The following CCT2 variants were observed in gnomAD, a reference collection of about 807,000 sequenced individuals.
CCT2 encodes the protein T-complex protein 1 subunit beta.
CCT2 carries 18 observed loss-of-function variants against 61.8 expected under a neutral mutation model. That is an observed-to-expected ratio of 0.29 (90% confidence interval 0.20 to 0.43). CCT2 has a LOEUF of 0.43. Among genes scored for constraint, CCT2 ranks in the 20% least tolerant of loss-of-function variants. CCT2 has a pLI of 1.00. For synonymous variants in CCT2, 248 were observed against 215.9 expected, an observed-to-expected ratio of 1.15 and a Z score of -1.30; for missense variants, 556 against 656.9, an observed-to-expected ratio of 0.85 and a Z score of 1.68.
At chr12:69,594,848 A>AGG (rs1881941513) in intron 10 of CCT2, among the ~76,000 whole-genome samples, 1 of 73,180 alleles carries the variant, frequency 1.4e-5, no homozygotes, top group East Asian at 3.9e-4. Context: ...CCTGTCTTTA[A>AGG]AAAAAAAAAA....
intron 1 of CCT2, 200 bp downstream of exon 1, chr12:69,585,724 G>A (rs1338567406): frequency 3.2e-5 from 46 of 1,459,556 alleles, no homozygotes; most frequent in East Asian, 2.0e-4. Flanking sequence ...GGGGTGGACC[G>A]CAAAGCCAGC....
Position 69,586,085 on chromosome 12 carries a change from C to T in CCT2, c.4-185C>T, listed in dbSNP as rs893782520. ...TGTAAATCCGAAAAGCCATGTCGCT[C>T]TCCTACAAGTCCCTCTCTCCCACTT... is the stretch of plus-strand genomic sequence containing the variant. On this transcript the variant is annotated intron_variant, in intron 1 of 15. Coordinates refer to ENST00000299300, the MANE Select transcript of CCT2 (RefSeq NM_006431.3). 9.5e-6 allele frequency: 12 copies of T among 1,264,976 alleles called. No individual in the cohort carries two copies. The African/African-American group carries it at 1.5e-4, about 16-fold the overall frequency. 78.4% of individuals were successfully genotyped at this position (1,264,976 alleles called of 1,614,324 possible).
At chr12:69,597,015 A>G (rs1485902790) in intron 10 of CCT2, 141 bp from the exon 11 acceptor site, 2 of 638,296 alleles carry the variant, frequency 3.1e-6, no homozygotes, top group Non-Finnish European at 5.2e-6. Context: ...AGTATTTAAA[A>G]AGAGTGCCAG....
intron 5 of CCT2, 26 bp from the exon 6 acceptor site, chr12:69,588,124 C>T (rs369233373): frequency 1.1e-5 from 17 of 1,582,806 alleles, no homozygotes; most frequent in Admixed American, 6.7e-5. Flanking sequence ...CTATTTATAA[C>T]TTTTGTTTTA....
At position 69,585,479 on chromosome 12, in the gene CCT2, G is replaced by T. The variant is rs372102946; in HGVS notation, c.-43G>T. 26 of 1,556,780 alleles carry T rather than the reference G, an allele frequency of 1.7e-5. No individual in the cohort carries two copies. The East Asian group carries it at 4.6e-4, about 27-fold the overall frequency. On this transcript the variant is annotated 5_prime_UTR_variant, in exon 1 of 16. Coordinates refer to ENST00000299300, the MANE Select transcript of CCT2 (RefSeq NM_006431.3). ...CCTTCAGTCCGCTGGTCCCGAGCAC[G>T]AGCTGTGAGGGGATTCACTTGTGTG...
rs780270578 is a variant in CCT2 at position 69,585,537 on chromosome 12, C to G, written c.3+13C>G. On this transcript the variant is annotated intron_variant, in intron 1 of 15. Transcript: ENST00000299300. ...CCTCGGAACCATGGTGAGCCTGACT[C>G]CCCTGCCTCTTGCCCTACCCCTGCT... The G allele has an allele frequency of 1.9e-6, 3 of 1,571,562 alleles. No homozygotes were observed. Among genetic ancestry groups the G allele is most frequent in the Middle Eastern group, 1.7e-4 (1 of 6,002 alleles).
In CCT2 at chr12:69,597,420, G is replaced by C; in HGVS notation, c.1102+145G>C. Reference sequence around the variant, plus strand: ...GATACATACTTTGTTTCAGTCTCTTGAGTCAACCTCATATTTACCGTGTCT... The same window carrying C: ...GATACATACTTTGTTTCAGTCTCTTCAGTCAACCTCATATTTACCGTGTCT... On this transcript the variant is annotated intron_variant, in intron 11 of 15. Transcript: ENST00000299300. 3.5e-6 allele frequency: 4 copies of C among 1,158,084 alleles called. No individual in the cohort carries two copies. The Admixed American group carries it at 8.8e-5, about 25-fold the overall frequency. 71.7% of individuals were successfully genotyped at this position (1,158,084 alleles called of 1,614,324 possible).
intron 3 of CCT2, chr12:69,587,173 G>T: frequency 3.1e-6 from 1 of 327,824 alleles, no homozygotes; most frequent in Non-Finnish European, 5.5e-6. Context: ...TTCAGTGTAA[G>T]TAGATAACAC....
intron 7 of CCT2, among the ~76,000 whole-genome samples, chr12:69,590,908 G>A (rs1407419568): frequency 1.3e-5 from 2 of 151,638 alleles, no homozygotes; most frequent in African/African-American, 4.9e-5. Context: ...TAGTAGAGAC[G>A]GGGTATCGCC....
intron 11 of CCT2, 127 bp from the exon 12 acceptor site, chr12:69,597,511 T>A: frequency 9.1e-7 from 1 of 1,094,530 alleles, no homozygotes; most frequent in African/African-American, 1.6e-5. Context: ...GAGCCTTGAT[T>A]GTTGGAGAAT....
At chr12:69,585,577 C>T (rs1162141216) in intron 1 of CCT2, 53 bp downstream of exon 1, 20 of 1,559,256 alleles carry the variant, frequency 1.3e-5, no homozygotes, top group Admixed American at 1.9e-5. Context: ...CGTGCTCTTG[C>T]CACCCCACTG....
chr12:69,588,068 TC>T, intron 5 of CCT2, 62 bp downstream of exon 5: 1 of 1,533,490 alleles, frequency 6.5e-7, no homozygotes, highest in Non-Finnish European at 9.0e-7. Context: ...GGTAATCTAG[TC>T]CTTACTTCCT....
At chr12:69,599,102 C>A (rs1371051858) in intron 14 of CCT2, among the ~76,000 whole-genome samples, 1 of 152,122 alleles carries the variant, frequency 6.6e-6, no homozygotes, top group Non-Finnish European at 1.5e-5. Context: ...ATTATTATAA[C>A]TGACACAATG....
At chr12:69,590,673 GA>G (rs1188303042) in intron 7 of CCT2, among the ~76,000 whole-genome samples, 13 of 149,544 alleles carry the variant, frequency 8.7e-5, no homozygotes, top group African/African-American at 3.2e-4. Context: ...TCATAATTCT[GA>G]AAATACTCTT....
At position 69,589,845 on chromosome 12, in the gene CCT2, T is replaced by C. The variant is rs183322683; in HGVS notation, c.649+158T>C. On this transcript the variant is annotated intron_variant, in intron 7 of 15. Transcript: ENST00000299300. ...ACCATTTTTGTCATTTTATTGACAG[T>C]GTACTCCTCTTCCCGCGCTATTCCA... 1.3e-5 allele frequency: 8 copies of C among 620,544 alleles called. No individual in the cohort carries two copies. The East Asian group carries it at 1.4e-4, about 11-fold the overall frequency. The allele number at this position is 620,544 out of a possible 1,614,324, so 38.4% of individuals were successfully genotyped here.
At chr12:69,598,452 T>A (rs930173025) in intron 14 of CCT2, 31 bp downstream of exon 14, 5 of 1,378,478 alleles carry the variant, frequency 3.6e-6, no homozygotes, top group African/African-American at 1.5e-5. Context: ...TTGTGGCCGT[T>A]GTTAAAAGTA....
In CCT2 at chr12:69,585,795, G is replaced by A. The variant is rs905707679; in HGVS notation, c.3+271G>A. ...AGCCCAGGTCCGCGCCTCACCCGGA[G>A]CGAAGAAATTTCTAGTGTGGGACCC... On this transcript the variant is annotated intron_variant, in intron 1 of 15. Transcript: ENST00000299300. The A allele has an allele frequency of 2.2e-6, 3 of 1,374,312 alleles. No individual in the cohort carries two copies. The African/African-American group carries it at 4.4e-5, about 20-fold the overall frequency. 85.1% of individuals were successfully genotyped at this position (1,374,312 alleles called of 1,614,324 possible). A position where few individuals can be genotyped will look rare whatever the true frequency, so the allele number is the denominator to read the frequency against.
Position 69,599,844 on chromosome 12 carries a change from A to C in CCT2, c.1436-19A>C. ...CTTTAGTTAAAACTGCTTTTTAGTAAATTTGTTTTTCTTTGCAGATATGAG... is the reference window on the plus strand; with the variant it reads ...CTTTAGTTAAAACTGCTTTTTAGTACATTTGTTTTTCTTTGCAGATATGAG... On this transcript the variant is annotated intron_variant, in intron 14 of 15. Coordinates refer to ENST00000299300, the MANE Select transcript of CCT2 (RefSeq NM_006431.3). The C allele has an allele frequency of 6.3e-7, 1 of 1,589,646 alleles. No individual in the cohort carries two copies. The highest frequency in any genetic ancestry group is 8.5e-7 in the Non-Finnish European group (1 of 1,169,750).
chr12:69,598,717 A>G (rs866979328), intron 14 of CCT2, among the ~76,000 whole-genome samples: 12 of 152,330 alleles, frequency 7.9e-5, no homozygotes, highest in African/African-American at 2.4e-4. Context: ...AAAATAACAT[A>G]AACTATTATG....
Sources: gnomAD v4.1 joint callset for allele counts (sites outside exome capture counted in the v4.1 genomes callset) on GRCh38, gnomAD v4.1.1 for gene constraint, MANE v1.5 for transcripts, NCBI Gene and HGNC (gene_info 2026-07-23, HGNC 2026-07-21) for gene names.